Variants in MTMR14 observed in about 807,000 individuals in gnomAD.
MTMR14 encodes myotubularin related protein 14, also known as phosphatidylinositol-3,5-bisphosphate 3-phosphatase MTMR14.
In MTMR14, 48 loss-of-function variants were observed where a neutral mutation model predicts 86.3. That is an observed-to-expected ratio of 0.56 (90% confidence interval 0.44 to 0.71). The LOEUF (loss-of-function observed/expected upper bound fraction) is 0.71. Ranked by LOEUF, MTMR14 falls within the 30% of genes least tolerant of loss-of-function variation. MTMR14 has a pLI of 0.00. For synonymous variants in MTMR14, 366 were observed against 326.1 expected, an observed-to-expected ratio of 1.12 and a Z score of -1.32; for missense variants, 780 against 834.6, an observed-to-expected ratio of 0.93 and a Z score of 0.81.
chr3:9,684,619 C>G lies in MTMR14; in HGVS notation c.999C>G (p.Gly333=). 6.2e-7 allele frequency: 1 copy of G among 1,614,174 alleles called. No individual in the cohort carries two copies. Among genetic ancestry groups the G allele is most frequent in the Non-Finnish European group, 8.5e-7 (1 of 1,180,040 alleles). The change falls in exon 11 of 19, where the codon GGC becomes GGG. Residue 333 remains glycine, a synonymous_variant. Coordinates refer to ENST00000296003, the MANE Select transcript of MTMR14 (RefSeq NM_001077525.3). ...GGCTGCTGGTACACTGTATCTCAGGCTGGGATCGGACCCCCCTCTTCATCT... is the reference window on the plus strand; with the variant it reads ...GGCTGCTGGTACACTGTATCTCAGGGTGGGATCGGACCCCCCTCTTCATCT... ...DSGLLVHCIS[G]WDRTPLFISL...
chr3:9,663,234 C>CT (rs1348598950), intron 3 of MTMR14, among the ~76,000 whole-genome samples: 4 of 152,032 alleles, frequency 2.6e-5, no homozygotes, highest in African/African-American at 9.7e-5. Flanking sequence ...TAGCTGGTAT[C>CT]TGAGTGTCTC....
intron 1 of MTMR14, among the ~76,000 whole-genome samples, chr3:9,651,889 T>C (rs1223834189): frequency 6.6e-6 from 1 of 151,394 alleles, no homozygotes; most frequent in Non-Finnish European, 1.5e-5. Context: ...TGGAATGCAA[T>C]GGCGTGATCT....
In MTMR14 at chr3:9,654,206, C is replaced by G. The variant is rs572991280; in HGVS notation, c.308+437C>G. Among the ~76,000 whole-genome samples, 293 of 152,202 alleles carry G rather than the reference C, an allele frequency of 1.9e-3. 1 individual carries two copies. Among genetic ancestry groups the G allele is most frequent in the Non-Finnish European group, 3.5e-3 (240 of 68,026 alleles). On this transcript the variant is annotated intron_variant, in intron 2 of 18. Coordinates refer to ENST00000296003, the MANE Select transcript of MTMR14 (RefSeq NM_001077525.3). ...ACATCCTGGATTCCCCTGTTGCTGG[C>G]TGTGTAACTGATGCTGGGCAAGTTA...
At chr3:9,656,847 G>T (rs1330854434) in intron 2 of MTMR14, among the ~76,000 whole-genome samples, 1 of 152,218 alleles carries the variant, frequency 6.6e-6, no homozygotes, top group East Asian at 1.9e-4. Flanking sequence ...TTTGGTGCTG[G>T]CTGGCTGGTG....
At chr3:9,668,572 G>A (rs893958705) in intron 3 of MTMR14, 147 bp from the exon 4 acceptor site, 2 of 743,340 alleles carry the variant, frequency 2.7e-6, no homozygotes, top group Non-Finnish European at 4.7e-6. Context: ...CTGACTGATT[G>A]TGGCAGCCTT....
At chr3:9,662,753 C>G (rs570699982) in intron 3 of MTMR14, among the ~76,000 whole-genome samples, 1 of 152,138 alleles carries the variant, frequency 6.6e-6, no homozygotes, top group South Asian at 2.1e-4. Flanking sequence ...TCCATTCTTT[C>G]AATTATATAA....
intron 1 of MTMR14, 47 bp from the exon 2 acceptor site, chr3:9,653,574 C>G: frequency 6.2e-7 from 1 of 1,613,434 alleles, no homozygotes; most frequent in Non-Finnish European, 8.5e-7. Context: ...TTCTCACCCT[C>G]AGAACCCCAG....
At chr3:9,689,109 C>T in intron 16 of MTMR14, 27 bp downstream of exon 16, 1 of 1,605,610 alleles carries the variant, frequency 6.2e-7, no homozygotes, top group Non-Finnish European at 8.5e-7. Context: ...GGACCAAGGT[C>T]ACTCACAGCT....
chr3:9,651,502 A>T lies in MTMR14; in HGVS notation c.159+1760A>T, dbSNP rs541959016. On this transcript the variant is annotated intron_variant, in intron 1 of 18. Coordinates refer to ENST00000296003, the MANE Select transcript of MTMR14 (RefSeq NM_001077525.3). ...TTAGGGTTAGCATAAGTTACACCTC[A>T]TATTGGCTGCGGCTGGCCTTAATTA... Among the ~76,000 whole-genome samples the T allele has an allele frequency of 6.6e-5, 10 of 152,216 alleles. No individual in the cohort carries two copies. The South Asian group carries it at 1.0e-3, about 16-fold the overall frequency.
Position 9,649,653 on chromosome 3 carries a change from C to T in MTMR14, c.70C>T (p.Pro24Ser), listed in dbSNP as rs1326643301. The T allele has an allele frequency of 1.9e-6, 3 of 1,589,686 alleles. No homozygotes were observed. The East Asian group carries it at 6.9e-5, about 36-fold the overall frequency. ...GSSASSGNQP[P>S]QELGLGELLE... ...CTCGGCCTCTTCAGGCAACCAGCCGCCTCAGGAGCTGGGGCTTGGGGAGCT... is the reference window on the plus strand; with the variant it reads ...CTCGGCCTCTTCAGGCAACCAGCCGTCTCAGGAGCTGGGGCTTGGGGAGCT... Residue 24 changes from proline (P) to serine (S), a missense_variant, in exon 1 of 19, where the codon CCT (proline) becomes TCT (serine). By Grantham distance (74) the Pro-to-Ser change is moderately conservative. Transcript: ENST00000296003.
chr3:9,672,693 C>T lies in MTMR14; in HGVS notation c.686C>T (p.Ser229Phe). 7 of 1,614,120 alleles carry T rather than the reference C, an allele frequency of 4.3e-6. No individual in the cohort carries two copies. Among genetic ancestry groups the T allele is most frequent in the Non-Finnish European group, 5.9e-6 (7 of 1,179,986 alleles). Residue 229 changes from serine (S) to phenylalanine (F), a missense_variant, in exon 7 of 19, where the codon TCC (serine) becomes TTC (phenylalanine). Coordinates refer to ENST00000296003, the MANE Select transcript of MTMR14 (RefSeq NM_001077525.3). The stretch of plus-strand genomic sequence containing the variant: ...GTATCCTTGTCTTGTAGTGTAACCT[C>T]CTCTGAGAAGGTGGACAAAGCCCAG... Reference protein sequence around the residue: ...KKVKFGMNVTSSEKVDKAQRY... With the variant: ...KKVKFGMNVTFSEKVDKAQRY...
intron 9 of MTMR14, among the ~76,000 whole-genome samples, chr3:9,681,903 T>C (rs1409846232): frequency 1.3e-5 from 2 of 152,060 alleles, no homozygotes; most frequent in African/African-American, 4.8e-5. Context: ...GCCCCAGCCT[T>C]GGGAACTTGC....
At chr3:9,689,200 A>T in intron 16 of MTMR14, 118 bp downstream of exon 16, 1 of 1,442,846 alleles carries the variant, frequency 6.9e-7, no homozygotes, top group Non-Finnish European at 9.4e-7. Context: ...AGCTGAGAGG[A>T]TAGCTCCGTG....
intron 5 of MTMR14, among the ~76,000 whole-genome samples, chr3:9,670,346 C>T (rs1188952534): frequency 2.0e-5 from 3 of 152,238 alleles, no homozygotes; most frequent in Non-Finnish European, 2.9e-5. Context: ...AGCCAGGTCA[C>T]CATCTTCAGC....
intron 5 of MTMR14, among the ~76,000 whole-genome samples, chr3:9,669,805 C>A (rs1171823968): frequency 6.6e-6 from 1 of 152,164 alleles, no homozygotes; most frequent in Admixed American, 6.5e-5. Flanking sequence ...TTTTAAAGCC[C>A]CACAGAGTTG....
intron 7 of MTMR14, among the ~76,000 whole-genome samples, chr3:9,674,189 AGGACTTGGTTT>A (rs1400538157): frequency 6.6e-6 from 1 of 152,226 alleles, no homozygotes; most frequent in Non-Finnish European, 1.5e-5. Context: ...GGTTCCAAGT[AGGACTTGGTTT>A]GGAAAAAATA....
At chr3:9,696,064 G>A (rs549305777) in intron 17 of MTMR14, among the ~76,000 whole-genome samples, 2 of 152,318 alleles carry the variant, frequency 1.3e-5, no homozygotes, top group South Asian at 4.1e-4. Context: ...CTAGAGTTTA[G>A]CAGGAATGAT....
intron 2 of MTMR14, among the ~76,000 whole-genome samples, chr3:9,660,039 A>G (rs1297467800): frequency 6.6e-6 from 1 of 152,246 alleles, no homozygotes; most frequent in South Asian, 2.1e-4. Context: ...GATATGTGAC[A>G]TCGGCCACGG....
chr3:9,659,757 G>A (rs370505028), intron 2 of MTMR14: 2 of 456,500 alleles, frequency 4.4e-6, no homozygotes, highest in Non-Finnish European at 8.8e-6. Flanking sequence ...CTGAATTGGA[G>A]CTTGATGTAG....
Sources: allele counts gnomAD v4.1 joint callset (sites outside exome capture counted in the v4.1 genomes callset), GRCh38; gene constraint gnomAD v4.1.1; transcripts MANE v1.5; gene names NCBI Gene and HGNC (gene_info 2026-07-23, HGNC 2026-07-21).